Variants in PLXNB1 observed in about 807,000 individuals in gnomAD.
PLXNB1 encodes the protein plexin-B1.
PLXNB1 carries 106 observed loss-of-function variants against 209.4 expected under a neutral mutation model. That is an observed-to-expected ratio of 0.51 (90% CI 0.43 to 0.59). PLXNB1 has a LOEUF of 0.59. PLXNB1 is among the 20% of genes least tolerant of loss of function. PLXNB1 has a pLI of 0.00. For missense variants in PLXNB1, 2,357 were observed against 2,853.2 expected (o/e 0.83, Z 3.96); for synonymous variants, 1,167 against 1,183.2 (o/e 0.99, Z 0.28).
chr3:48,414,128 C>T, intron 21 of PLXNB1, 57 bp from the exon 22 acceptor site: 2 of 1,556,714 alleles, frequency 1.3e-6, no homozygotes, highest in Non-Finnish European at 1.8e-6. Flanking sequence ...ATCCTGTCCT[C>T]CCCAAATGTG....
At chr3:48,421,969 T>A in intron 6 of PLXNB1, 136 bp downstream of exon 6, 1 of 1,301,954 alleles carries the variant, frequency 7.7e-7, no homozygotes, top group Non-Finnish European at 1.1e-6. Flanking sequence ...GTGCAGAGGA[T>A]GGGGGTGAGG....
intron 10 of PLXNB1, among the ~76,000 whole-genome samples, 200 bp from the exon 11 acceptor site, chr3:48,420,457 G>A (rs1167991692): frequency 6.6e-6 from 1 of 152,186 alleles, no homozygotes; most frequent in African/African-American, 2.4e-5. Context: ...ATGAAGGCCA[G>A]ACATCCCCTG....
rs2038307161 is a variant in PLXNB1, at chr3:48,419,054, C to T, written c.2833-15G>A. 1.9e-6 allele frequency: 3 copies of T among 1,613,568 alleles called. No homozygotes were observed. The highest frequency in any genetic ancestry group is 2.5e-6 in the Non-Finnish European group (3 of 1,179,594). On this transcript the variant is annotated splice_polypyrimidine_tract_variant and intron_variant, in intron 12 of 37. Transcript: ENST00000296440. The surrounding 1 kb of genome is among the most constrained non-coding windows in gnomAD (Gnocchi z 5.7). The stretch of plus-strand genomic sequence containing the variant: ...CCTGGGCCATCCTGAGGGCAGAGAA[C>T]ACAGCTGTTGGGCAGCTTCAGGAGC...
intron 1 of PLXNB1, among the ~76,000 whole-genome samples, chr3:48,427,856 AC>A (rs1036919097): frequency 1.3e-5 from 2 of 151,980 alleles, no homozygotes; most frequent in Non-Finnish European, 2.9e-5. Context: ...CCTAGCCACC[AC>A]CCTGACAGGC....
chr3:48,420,848 T>C lies in PLXNB1; in HGVS notation c.1919A>G (p.Gln640Arg). The C allele has an allele frequency of 6.2e-7, 1 of 1,613,440 alleles. No homozygotes were observed. Among genetic ancestry groups the C allele is most frequent in the South Asian group, 1.1e-5 (1 of 91,050 alleles). Residue 640 changes from glutamine to arginine, a missense_variant and splice_region_variant, in exon 9 of 38, where the codon CAG (glutamine) becomes CGG (arginine). Transcript: ENST00000296440. ...CCTGGGGACAGGGCGAGGAACTCAC[T>C]GCGCAGATGGGCGGAGTTCAGTGAC... Reference protein sequence around the residue: ...VAVTELRPSAQCQACVSSRWG... With the variant: ...VAVTELRPSARCQACVSSRWG...
intron 2 of PLXNB1, among the ~76,000 whole-genome samples, chr3:48,425,021 G>A (rs769056492): frequency 6.6e-6 from 1 of 152,176 alleles, no homozygotes; most frequent in African/African-American, 2.4e-5. Context: ...CATGGATGAG[G>A]GTTTCCCGGG....
Position 48,409,491 on chromosome 3 carries a change from G to A in PLXNB1, c.5940-15C>T, listed in dbSNP as rs1186074957. 2 of 1,614,000 alleles carry A rather than the reference G, an allele frequency of 1.2e-6. No homozygotes were observed. The highest frequency in any genetic ancestry group is 2.7e-5 in the African/African-American group (2 of 74,904). The stretch of plus-strand genomic sequence containing the variant: ...TCAGAGGCAAGCTGCGGGTGGGGCA[G>A]GCATGGCCGATGAATGTGCTGGGGA... On this transcript the variant is annotated splice_polypyrimidine_tract_variant and intron_variant, in intron 33 of 37. Transcript: ENST00000296440. This position sits in a 1 kb window ranked among gnomAD's most constrained non-coding sequence, Gnocchi z 5.8.
Position 48,410,468 on chromosome 3 carries a change from A to G in PLXNB1, c.5507T>C (p.Leu1836Pro), listed in dbSNP as rs2037603915. The G allele has an allele frequency of 9.3e-6, 15 of 1,613,700 alleles. No homozygotes were observed. Among genetic ancestry groups the G allele is most frequent in the Non-Finnish European group, 1.3e-5 (15 of 1,179,816 alleles). ...VQGLWRRLNT[L>P]QHYKVPDGAT... ...CACTCCTCCTACCTTGTAATGCTGC[A>G]GTGTGTTCAGGCGCCTCCACAGACC... Residue 1836 changes from leucine (L) to proline (P), a missense_variant, in exon 30 of 38, where the codon CTG becomes CCG. By Grantham distance (98) the Leu-to-Pro change is moderately conservative (BLOSUM62 -3). Coordinates refer to ENST00000296440, the MANE Select transcript of PLXNB1 (RefSeq NM_001130082.3). The surrounding 1 kb of genome is among the most constrained non-coding windows in gnomAD (Gnocchi z 6.4).
intron 1 of PLXNB1, among the ~76,000 whole-genome samples, chr3:48,427,829 T>G (rs549245905): frequency 4.9e-4 from 75 of 152,274 alleles, no homozygotes; most frequent in African/African-American, 1.7e-3. Flanking sequence ...CTGCATGCGG[T>G]GGACAGAATG....
chr3:48,404,843 A>G (rs113514480), intron 37 of PLXNB1, among the ~76,000 whole-genome samples: 2,633 of 152,248 alleles, frequency 0.017, 63 homozygotes, highest in African/African-American at 0.059. Context: ...GCTCCTCAGA[A>G]GCCCTGCTGC....
chr3:48,415,576 C>G lies in PLXNB1; in HGVS notation c.3794+7G>C. The stretch of plus-strand genomic sequence containing the variant: ...CCTGCCATGCAGCCACACCCCTGGC[C>G]CAACACCTGAGGAAGCTCTTGGTGG... On this transcript the variant is annotated splice_region_variant and intron_variant, in intron 19 of 37. Coordinates refer to ENST00000296440, the MANE Select transcript of PLXNB1 (RefSeq NM_001130082.3). This position sits in a 1 kb window ranked among gnomAD's most constrained non-coding sequence, Gnocchi z 5.0. The G allele has an allele frequency of 1.3e-6, 2 of 1,567,406 alleles. No homozygotes were observed. Among genetic ancestry groups the G allele is most frequent in the Non-Finnish European group, 1.7e-6 (2 of 1,153,924 alleles).
rs554389146 is a variant in PLXNB1, at chr3:48,410,630, C to T, written c.5417-72G>A. The T allele has an allele frequency of 2.3e-6, 3 of 1,288,552 alleles. No homozygotes were observed. The African/African-American group carries it at 4.4e-5, about 19-fold the overall frequency. 79.8% of individuals were successfully genotyped at this position (1,288,552 alleles called of 1,614,324 possible). On this transcript the variant is annotated intron_variant, in intron 29 of 37. Transcript: ENST00000296440. This position sits in a 1 kb window ranked among gnomAD's most constrained non-coding sequence, Gnocchi z 6.4. ...CCCATAGTGGAGCCCATCTCCTCCT[C>T]CACAGGGACACCAGCCCCTCCATCA...
Position 48,412,516 on chromosome 3 carries a change from A to C in PLXNB1, c.4959T>G (p.Thr1653=). 6.2e-7 allele frequency: 1 copy of C among 1,613,688 alleles called. No individual in the cohort carries two copies. Among genetic ancestry groups the C allele is most frequent in the Admixed American group, 1.7e-5 (1 of 60,028 alleles). Residue 1653 remains threonine, a synonymous_variant, in exon 26 of 38, where the codon ACT becomes ACG. Coordinates refer to ENST00000296440, the MANE Select transcript of PLXNB1 (RefSeq NM_001130082.3). Reference sequence around the variant, plus strand: ...CACTGAGCAGAGTGCGGAGGATGTCAGTGAAATACTCAAGCTTCCCATGCA... The same window carrying C: ...CACTGAGCAGAGTGCGGAGGATGTCCGTGAAATACTCAAGCTTCCCATGCA... ...VALHGKLEYF[T]DILRTLLSDL...
chr3:48,418,899 G>A lies in PLXNB1; in HGVS notation c.2955+18C>T, dbSNP rs761050227. On this transcript the variant is annotated intron_variant, in intron 13 of 37. Transcript: ENST00000296440. The surrounding 1 kb of genome is among the most constrained non-coding windows in gnomAD (Gnocchi z 6.6). ...AGTGCAGTGCACCCGTGCCCACCCA[G>A]GCGCTCATGGTGTGCACCTGGTGCT... The A allele has an allele frequency of 4.3e-6, 7 of 1,613,602 alleles. No individual in the cohort carries two copies. In the African/African-American group the frequency reaches 5.3e-5, roughly 12 times the overall value.
Position 48,413,626 on chromosome 3 carries a change from A to AT in PLXNB1, c.4535+43dup. On this transcript the variant is annotated intron_variant, in intron 23 of 37. Transcript: ENST00000296440. The surrounding 1 kb of genome is among the most constrained non-coding windows in gnomAD (Gnocchi z 5.4). ...GTCTGTCCCTTCCCAGTCCAGCCAGATCCCACGACCTGCCCCAGCCCAGCC... is the reference window on the plus strand; with the variant it reads ...GTCTGTCCCTTCCCAGTCCAGCCAGATTCCCACGACCTGCCCCAGCCCAGCC... 1 of 1,561,004 alleles carries AT rather than the reference A, an allele frequency of 6.4e-7. No homozygotes were observed. Among genetic ancestry groups the AT allele is most frequent in the Non-Finnish European group, 8.7e-7 (1 of 1,147,426 alleles).
intron 25 of PLXNB1, 52 bp from the exon 26 acceptor site, chr3:48,412,672 G>T (rs368514019): frequency 4.1e-5 from 66 of 1,604,608 alleles, no homozygotes; most frequent in Admixed American, 5.0e-5. Context: ...ACAGAGGGGC[G>T]GGCTCAGAAA....
Position 48,405,642 on chromosome 3 carries a change from C to T in PLXNB1, c.6303+82G>A, listed in dbSNP as rs780203431. On this transcript the variant is annotated intron_variant, in intron 37 of 37. Transcript: ENST00000296440. The surrounding 1 kb of genome is among the most constrained non-coding windows in gnomAD (Gnocchi z 5.0). ...CCCTGGGGAAGACCAAAGCCCCCAACGTGAGTCACAGGGTCAGAGCCCCTT... is the reference window on the plus strand; with the variant it reads ...CCCTGGGGAAGACCAAAGCCCCCAATGTGAGTCACAGGGTCAGAGCCCCTT... 3.6e-5 allele frequency: 40 copies of T among 1,096,438 alleles called. No individual in the cohort carries two copies. The highest frequency in any genetic ancestry group is 4.6e-5 in the Non-Finnish European group (34 of 733,640). The allele number at this position is 1,096,438 out of a possible 1,614,324, so 67.9% of individuals were successfully genotyped here.
chr3:48,414,181 C>T (rs1341503273), intron 21 of PLXNB1, 110 bp from the exon 22 acceptor site: 2 of 995,604 alleles, frequency 2.0e-6, no homozygotes, highest in Non-Finnish European at 1.6e-6. Context: ...AGCTGACAGC[C>T]TCTCAGCACC....
rs1383133612 is a variant in PLXNB1, at chr3:48,406,303, G to A, written c.6229-505C>T. ...GAATTGGTGTCACCTAGCTTGTGGA[G>A]TTCTTGTGAGGATCAAATAAGACAA... On this transcript the variant is annotated intron_variant, in intron 36 of 37. Coordinates refer to ENST00000296440, the MANE Select transcript of PLXNB1 (RefSeq NM_001130082.3). The surrounding 1 kb of genome is among the most constrained non-coding windows in gnomAD (Gnocchi z 4.4). Among the ~76,000 whole-genome samples the A allele has an allele frequency of 6.6e-6, 1 of 152,240 alleles. No homozygotes were observed.
Sources: allele counts gnomAD v4.1 joint callset (sites outside exome capture counted in the v4.1 genomes callset), GRCh38; gene constraint gnomAD v4.1.1; non-coding constraint Gnocchi (gnomAD v3.1); transcripts MANE v1.5; gene names NCBI Gene and HGNC (gene_info 2026-07-23, HGNC 2026-07-21).